Variants in CXCL13 observed in about 807,000 individuals in gnomAD.
CXCL13 encodes C-X-C motif chemokine 13.
In CXCL13, 7 loss-of-function variants were observed where a neutral mutation model predicts 12.2. That is an observed-to-expected ratio of 0.57 (90% CI 0.33 to 1.07). The LOEUF is 1.07. CXCL13 is among the 50% of genes least tolerant of loss of function. The pLI is 0.04. For missense variants in CXCL13, 113 were observed against 127.4 expected (o/e 0.89, Z 0.55); for synonymous variants, 47 against 42.4 (o/e 1.11, Z -0.42).
At chr4:77,603,493 G>C (rs1726935980), upstream of CXCL13, among the ~76,000 whole-genome samples, 1 of 152,224 alleles carries the variant, frequency 6.6e-6, no homozygotes, top group Middle Eastern at 3.2e-3. Context: ...GTGAGTCAGA[G>C]AGTGTGATGG....
At chr4:77,533,721 G>A (rs1371089611) in intron 1 of CXCL13, among the ~76,000 whole-genome samples, 7 of 152,146 alleles carry the variant, frequency 4.6e-5, no homozygotes, top group East Asian at 1.9e-4. Context: ...ACCTACTCAA[G>A]CCTCAGCAAT....
chr4:77,517,857 C>T (rs4859854), intron 1 of CXCL13, among the ~76,000 whole-genome samples: 67,354 of 151,976 alleles, frequency 0.44, 18,606 homozygotes, highest in African/African-American at 0.79. Flanking sequence ...ATTATGATGT[C>T]AGCTGGTTAT....
At chr4:77,546,907 T>G (rs1388763222) in intron 1 of CXCL13, among the ~76,000 whole-genome samples, 1 of 152,240 alleles carries the variant, frequency 6.6e-6, no homozygotes, top group Non-Finnish European at 1.5e-5. Context: ...ACATACTGCT[T>G]TACATGTGTC....
chr4:77,522,514 CTTTTTTTTTTTTTTTTT>C (rs777857811), intron 1 of CXCL13, among the ~76,000 whole-genome samples: 5 of 10,070 alleles, frequency 5.0e-4, no homozygotes, highest in African/African-American at 7.9e-4. Flanking sequence ...GCAACCCCTG[CTTTTTTTTTTTTTTTTT>C]TTTTTTTTTT....
intron 1 of CXCL13, among the ~76,000 whole-genome samples, chr4:77,546,628 C>A (rs1725372104): frequency 6.6e-6 from 1 of 151,790 alleles, no homozygotes; most frequent in Non-Finnish European, 1.5e-5. Flanking sequence ...CTATTTGATT[C>A]TTCTCTATTT....
chr4:77,595,351 C>A (rs943622781), intron 1 of CXCL13, among the ~76,000 whole-genome samples: 1 of 152,118 alleles, frequency 6.6e-6, no homozygotes, highest in Non-Finnish European at 1.5e-5. Flanking sequence ...AGTTTAGAAA[C>A]CCAAGTACAC....
At chr4:77,605,990 AT>A in intron 1 of CXCL13, 61 bp downstream of exon 1, 2 of 1,235,132 alleles carry the variant, frequency 1.6e-6, no homozygotes, top group South Asian at 1.5e-5. Context: ...AACCACTTCA[AT>A]TTTCTTTCGA....
At chr4:77,568,855 T>G (rs1287797207) in intron 1 of CXCL13, among the ~76,000 whole-genome samples, 1 of 152,208 alleles carries the variant, frequency 6.6e-6, no homozygotes, top group Non-Finnish European at 1.5e-5. Flanking sequence ...TTTTCTACCC[T>G]AAAGTTTTCA....
intron 1 of CXCL13, among the ~76,000 whole-genome samples, chr4:77,523,046 T>G (rs981915235): frequency 6.6e-6 from 1 of 152,238 alleles, no homozygotes; most frequent in African/African-American, 2.4e-5. Context: ...CCCCACTCTC[T>G]TCTGGCTTGT....
chr4:77,547,490 C>T lies in CXCL13; in HGVS notation c.-43+35702C>T, dbSNP rs574418487. Among the ~76,000 whole-genome samples the T allele has an allele frequency of 9.4e-4, 143 of 152,192 alleles. 2 individuals carry two copies. The South Asian group carries it at 0.029, about 31-fold the overall frequency. On this transcript the variant is annotated intron_variant, in intron 1 of 4. Coordinates refer to the CXCL13 transcript ENST00000286758. ...TGGTCCCTTTACCATTATGTAATGA[C>T]CTTCTTTGTCTCTTTTGATCTTTGT...
intron 1 of CXCL13, among the ~76,000 whole-genome samples, chr4:77,555,363 G>A (rs1384786984): frequency 6.6e-6 from 1 of 151,894 alleles, no homozygotes; most frequent in Non-Finnish European, 1.5e-5. Flanking sequence ...AAGAAACAGG[G>A]AAACCTAATA....
intron 1 of CXCL13, among the ~76,000 whole-genome samples, chr4:77,521,880 A>C (rs940823302): frequency 6.6e-6 from 1 of 152,152 alleles, no homozygotes; most frequent in Non-Finnish European, 1.5e-5. Context: ...ACACTGCTTT[A>C]AATGTGTCCC....
intron 1 of CXCL13, among the ~76,000 whole-genome samples, chr4:77,533,945 G>C (rs555713685): frequency 1.4e-3 from 210 of 152,280 alleles, no homozygotes; most frequent in African/African-American, 4.9e-3. Flanking sequence ...CCCTTTCTTT[G>C]ATTAGGAAAG....
upstream of CXCL13, among the ~76,000 whole-genome samples, chr4:77,605,146 A>T (rs1173518877): frequency 6.6e-6 from 1 of 152,118 alleles, no homozygotes; most frequent in Admixed American, 6.5e-5. Flanking sequence ...AGCCAGAGAG[A>T]TTCTCTTCCT....
intron 1 of CXCL13, among the ~76,000 whole-genome samples, chr4:77,595,269 C>T (rs796331034): frequency 3.3e-5 from 5 of 152,232 alleles, no homozygotes; most frequent in African/African-American, 1.2e-4. Flanking sequence ...TAGAAAATTT[C>T]CACCACTCTG....
At chr4:77,598,893 T>G (rs1726828523) in intron 1 of CXCL13, among the ~76,000 whole-genome samples, 1 of 152,030 alleles carries the variant, frequency 6.6e-6, no homozygotes, top group Non-Finnish European at 1.5e-5. Context: ...CTGCAACCTC[T>G]GCCTCCCGAG....
At chr4:77,518,668 A>G (rs373073865) in intron 1 of CXCL13, among the ~76,000 whole-genome samples, 115 of 152,008 alleles carry the variant, frequency 7.6e-4, no homozygotes, top group African/African-American at 1.8e-3. Context: ...GCACTTCTCT[A>G]TATTGGTTAT....
chr4:77,567,502 C>T (rs535666252), intron 1 of CXCL13, among the ~76,000 whole-genome samples: 4 of 152,246 alleles, frequency 2.6e-5, no homozygotes, highest in African/African-American at 4.8e-5. Flanking sequence ...GTTGCCCCTA[C>T]GTGAGGAACT....
At chr4:77,606,997 C>T (rs57149021) in intron 1 of CXCL13, among the ~76,000 whole-genome samples, 11,121 of 152,142 alleles carry the variant, frequency 0.073, 1,279 homozygotes, top group African/African-American at 0.25. Context: ...GCCTTTTGTT[C>T]TGTAATGATT....
Sources: gnomAD v4.1 joint callset for allele counts (sites outside exome capture counted in the v4.1 genomes callset) on GRCh38, gnomAD v4.1.1 for gene constraint, MANE v1.5 for transcripts, NCBI Gene and HGNC (gene_info 2026-07-23, HGNC 2026-07-21) for gene names.